The following ZNF749 variants were observed in gnomAD, a reference collection of about 807,000 sequenced individuals.
ZNF749 encodes the protein zinc finger protein 749.
In ZNF749, 8 loss-of-function variants were observed where a neutral mutation model predicts 7.3. The ratio of observed to expected loss-of-function variants is 1.10; its 90% CI spans 0.64 to 1.98. The LOEUF is 1.98. Among genes scored for constraint, ZNF749 ranks in the 30% most tolerant of loss-of-function variants. ZNF749 has a pLI of 0.00. For synonymous variants in ZNF749, 310 were observed against 322.4 expected (o/e 0.96, Z 0.41); for missense variants, 898 against 932.4 (o/e 0.96, Z 0.48).
At position 57,444,843 on chromosome 19, in the gene ZNF749, C is replaced by T. The variant is rs1296194936; in HGVS notation, c.1695C>T (p.Phe565=). The part of the protein sequence containing the change: ...PYVCSECGKA[F]LTQAHLDGHQ... ...TGTGTAGTGAATGTGGGAAGGCCTT[C>T]CTTACACAGGCTCATCTAGATGGTC... Residue 565 remains phenylalanine (F), a synonymous_variant, in exon 3 of 3, where the codon TTC becomes TTT. Transcript: ENST00000334181. 6.2e-7 allele frequency: 1 copy of T among 1,614,082 alleles called. No individual in the cohort carries two copies. Among genetic ancestry groups the T allele is most frequent in the Non-Finnish European group, 8.5e-7 (1 of 1,179,974 alleles).
rs1197131557 is a variant in ZNF749, at chr19:57,445,935, G to GA, written c.*457dup. Among the ~76,000 whole-genome samples the GA allele has an allele frequency of 6.6e-6, 1 of 151,820 alleles. No individual in the cohort carries two copies. The highest frequency in any genetic ancestry group is 1.5e-5 in the Non-Finnish European group (1 of 67,936). ...ACAGGGCGAGACTCTGTCTCAAAAA[G>GA]AAAAAAATTATAATTGTGGCAAATT... On this transcript the variant is annotated 3_prime_UTR_variant, in exon 3 of 3. Coordinates refer to ENST00000334181, the MANE Select transcript of ZNF749 (RefSeq NM_001023561.4).
rs1418528375 is a variant in ZNF749, at chr19:57,436,625, T to G, written c.15+1032T>G. ...TCAGCTGGCCCTGAGGGCCACTCTT[T>G]AGGGAACAAGATAAGGCCATGCAGC... On this transcript the variant is annotated intron_variant, in intron 1 of 2. Transcript: ENST00000334181. The surrounding 1 kb of genome is among the most constrained non-coding windows in gnomAD (Gnocchi z 4.0). Among the ~76,000 whole-genome samples, 1 of 152,178 alleles carries G rather than the reference T, an allele frequency of 6.6e-6. No homozygotes were observed. Among genetic ancestry groups the G allele is most frequent in the Non-Finnish European group, 1.5e-5 (1 of 68,018 alleles).
chr19:57,428,783 T>G, the ZNF749 span, among the ~76,000 whole-genome samples: 1 of 152,214 alleles, frequency 6.6e-6, no homozygotes, highest in Non-Finnish European at 1.5e-5. Flanking sequence ...GAGGAACTTC[T>G]AGTTTTTGCT....
chr19:57,445,366 C>A lies in ZNF749; in HGVS notation c.2218C>A (p.Gln740Lys), dbSNP rs2123111286. 6.2e-7 allele frequency: 1 copy of A among 1,613,306 alleles called. No individual in the cohort carries two copies. Among genetic ancestry groups the A allele is most frequent in the South Asian group, 1.1e-5 (1 of 91,016 alleles). Reference sequence around the variant, plus strand: ...AGACTTCAACAAATGTAATACTGGTCAGCGCCAAAAAACTCACACTGGAGA... The same window carrying A: ...AGACTTCAACAAATGTAATACTGGTAAGCGCCAAAAAACTCACACTGGAGA... ...GKDFNKCNTG[Q>K]RQKTHTGERS... The change falls in exon 3 of 3, where the codon CAG (glutamine) becomes AAG (lysine). Residue 740 changes from glutamine to lysine, a missense_variant. Physicochemically the swap from Gln to Lys is moderately conservative, Grantham distance 53. Coordinates refer to ENST00000334181, the MANE Select transcript of ZNF749 (RefSeq NM_001023561.4).
chr19:57,440,752 G>C (rs991385089), intron 1 of ZNF749, among the ~76,000 whole-genome samples: 2 of 152,066 alleles, frequency 1.3e-5, no homozygotes, highest in African/African-American at 4.8e-5. Context: ...CTGGCAATGG[G>C]CACGTAAGGG....
At chr19:57,435,161 G>A (rs1287217264), upstream of ZNF749, among the ~76,000 whole-genome samples, 1 of 141,658 alleles carries the variant, frequency 7.1e-6, no homozygotes, top group Non-Finnish European at 1.6e-5. Context: ...GTGAGGCGAG[G>A]CAGGCAGCAG....
At chr19:57,435,625 AC>A in intron 1 of ZNF749, 32 bp downstream of exon 1, 1 of 1,597,500 alleles carries the variant, frequency 6.3e-7, no homozygotes, top group East Asian at 2.3e-5. Flanking sequence ...GCCCCGCCCA[AC>A]CCCTCCTCCC....
At chr19:57,437,792 G>A (rs1444002122) in intron 1 of ZNF749, among the ~76,000 whole-genome samples, 1 of 151,052 alleles carries the variant, frequency 6.6e-6, no homozygotes, top group Admixed American at 6.6e-5. Flanking sequence ...CTGAAAACAT[G>A]TACAAAACCA....
In ZNF749 at chr19:57,442,107, T is replaced by G. The variant is rs566737660; in HGVS notation, c.142+96T>G. 17 of 1,495,836 alleles carry G rather than the reference T, an allele frequency of 1.1e-5. No individual in the cohort carries two copies. In the African/African-American group the frequency reaches 2.4e-4, roughly 21 times the overall value. The allele number at this position is 1,495,836 out of a possible 1,614,324, so 92.7% of individuals were successfully genotyped here. ...TGTCTTTCCCACACCAGATTGTGAG[T>G]GCTACGTCCTGTCCTCTCCTGGTTT... On this transcript the variant is annotated intron_variant, in intron 2 of 2. Transcript: ENST00000334181. This position sits in a 1 kb window ranked among gnomAD's most constrained non-coding sequence, Gnocchi z 6.6.
intron 1 of ZNF749, chr19:57,437,971 C>T: frequency 5.0e-6 from 2 of 396,988 alleles, no homozygotes; most frequent in Non-Finnish European, 8.9e-6. Flanking sequence ...TAAGAGGCAG[C>T]ACTGAACTTA....
chr19:57,441,629 G>A (rs2088990740), intron 1 of ZNF749, among the ~76,000 whole-genome samples: 1 of 152,142 alleles, frequency 6.6e-6, no homozygotes, highest in South Asian at 2.1e-4. Context: ...GTTTGCATAA[G>A]TCTGGCAGCC....
In ZNF749 at chr19:57,439,326, A is replaced by G. The variant is rs527912738; in HGVS notation, c.16-2559A>G. Among the ~76,000 whole-genome samples, 125 of 152,186 alleles carry G rather than the reference A, an allele frequency of 8.2e-4. No individual in the cohort carries two copies. The highest frequency in any genetic ancestry group is 2.8e-3 in the African/African-American group (118 of 41,522). On this transcript the variant is annotated intron_variant, in intron 1 of 2. Coordinates refer to ENST00000334181, the MANE Select transcript of ZNF749 (RefSeq NM_001023561.4). The surrounding 1 kb of genome is among the most constrained non-coding windows in gnomAD (Gnocchi z 4.3). ...AACGTAGAGAGCAAGGAAGCTTGGG[A>G]GCTGAGATGGAAGAGGGGGTCAGGA...
chr19:57,438,202 C>A, intron 1 of ZNF749: 1 of 398,118 alleles, frequency 2.5e-6, no homozygotes, highest in Non-Finnish European at 4.4e-6. Context: ...GGCAAACTGA[C>A]AAACTGCGTC....
Position 57,446,604 on chromosome 19 carries a change from T to C in ZNF749, c.*1119T>C, listed in dbSNP as rs2089068315. ...GTAGCATAGCTTATGATTTTCATCT[T>C]TTTTAAAGGCCGAATAAAATCCCAT... On this transcript the variant is annotated 3_prime_UTR_variant, in exon 3 of 3. Coordinates refer to ENST00000334181, the MANE Select transcript of ZNF749 (RefSeq NM_001023561.4). Among the ~76,000 whole-genome samples, 1 of 152,228 alleles carries C rather than the reference T, an allele frequency of 6.6e-6. No individual in the cohort carries two copies.
Position 57,444,041 on chromosome 19 carries a change from A to G in ZNF749, c.893A>G (p.Tyr298Cys). 6.2e-7 allele frequency: 1 copy of G among 1,614,006 alleles called. No homozygotes were observed. ...GAGATTCTCAGTAGACCAACACCTT[A>G]TGAATGCACCCAGTGTGGGAAGGCC... ...HQEILSRPTP[Y>C]ECTQCGKAFL... is the part of the protein sequence containing the mutation. Residue 298 changes from tyrosine to cysteine, a missense_variant, in exon 3 of 3, where the codon TAT becomes TGT. By Grantham distance (194) the Tyr-to-Cys change is radical. Coordinates refer to ENST00000334181, the MANE Select transcript of ZNF749 (RefSeq NM_001023561.4).
the ZNF749 span, among the ~76,000 whole-genome samples, chr19:57,429,920 G>A: frequency 2.0e-5 from 3 of 152,126 alleles, no homozygotes; most frequent in Non-Finnish European, 2.9e-5. This position sits in a 1 kb window ranked among gnomAD's most constrained non-coding sequence, Gnocchi z 4.2. Context: ...TACTCTGTTC[G>A]AATGGATTTT....
chr19:57,435,614 C>T, intron 1 of ZNF749, 21 bp downstream of exon 1: 1 of 1,601,026 alleles, frequency 6.2e-7, no homozygotes, highest in Non-Finnish European at 8.5e-7. Context: ...CGTCCCAGGC[C>T]GCCCCGCCCA....
the ZNF749 span, among the ~76,000 whole-genome samples, chr19:57,429,181 C>T: frequency 3.3e-5 from 5 of 152,112 alleles, no homozygotes; most frequent in Middle Eastern, 3.4e-3. This position sits in a 1 kb window ranked among gnomAD's most constrained non-coding sequence, Gnocchi z 4.2. Flanking sequence ...CCCACCAACA[C>T]GCCTGGCTAA....
chr19:57,431,401 C>T (rs900099336), upstream of ZNF749, among the ~76,000 whole-genome samples: 3 of 152,102 alleles, frequency 2.0e-5, no homozygotes. Flanking sequence ...CACTTAGAAA[C>T]CTAAACACTA....
Sources: gnomAD v4.1 joint callset for allele counts (sites outside exome capture counted in the v4.1 genomes callset) on GRCh38, gnomAD v4.1.1 for gene constraint, Gnocchi (gnomAD v3.1) non-coding constraint, MANE v1.5 for transcripts, NCBI Gene and HGNC (gene_info 2026-07-23, HGNC 2026-07-21) for gene names.